Variants in PRLR observed in about 807,000 individuals in gnomAD.
The protein encoded by PRLR is prolactin receptor, also known as hPRL receptor.
A neutral mutation model predicts 40.2 loss-of-function variants in PRLR; 13 were observed. The ratio of observed to expected loss-of-function variants is 0.32; its 90% CI spans 0.21 to 0.51. The LOEUF is 0.51. PRLR is among the 20% of genes least tolerant of loss of function. PRLR has a pLI of 0.97. For missense variants in PRLR, 656 were observed against 747.3 expected, an observed-to-expected ratio of 0.88 and a Z score of 1.42; for synonymous variants, 269 against 278.7, an observed-to-expected ratio of 0.97 and a Z score of 0.35.
At chr5:35,220,959 C>A (rs1449178800) in intron 1 of PRLR, among the ~76,000 whole-genome samples, 1 of 152,182 alleles carries the variant, frequency 6.6e-6, no homozygotes, top group Non-Finnish European at 1.5e-5. Context: ...CAGAATCATT[C>A]TCAAAATCAC....
chr5:35,075,220 G>C (rs541869933), intron 5 of PRLR, among the ~76,000 whole-genome samples: 4 of 152,284 alleles, frequency 2.6e-5, no homozygotes, highest in Middle Eastern at 3.4e-3. Flanking sequence ...CATGGAGCGT[G>C]AGGCGAAGCA....
intron 1 of PRLR, among the ~76,000 whole-genome samples, chr5:35,212,882 T>C (rs1776204880): frequency 6.6e-6 from 1 of 152,202 alleles, no homozygotes; most frequent in Admixed American, 6.5e-5. Context: ...AGTATGAGAT[T>C]CATTAAAGCA....
At chr5:35,077,632 T>C (rs1770202235) in intron 5 of PRLR, among the ~76,000 whole-genome samples, 2 of 152,144 alleles carry the variant, frequency 1.3e-5, no homozygotes, top group South Asian at 4.1e-4. Flanking sequence ...ACTGTCAACA[T>C]TAGACAGATC....
chr5:35,227,107 C>G (rs566860095), intron 1 of PRLR, among the ~76,000 whole-genome samples: 2 of 152,344 alleles, frequency 1.3e-5, no homozygotes, highest in East Asian at 1.9e-4. Context: ...AATCTTGAGT[C>G]TAATGGCTGG....
At chr5:35,224,297 GA>G (rs551785390) in intron 1 of PRLR, among the ~76,000 whole-genome samples, 2 of 152,270 alleles carry the variant, frequency 1.3e-5, no homozygotes, top group African/African-American at 4.8e-5. Context: ...CACAGCTAGG[GA>G]GAAGGTGACT....
At chr5:35,078,804 C>A (rs527886917) in intron 5 of PRLR, among the ~76,000 whole-genome samples, 1 of 152,308 alleles carries the variant, frequency 6.6e-6, no homozygotes, top group Non-Finnish European at 1.5e-5. Flanking sequence ...ATGCAAGAAT[C>A]CTCAGTAAAA....
At chr5:35,120,540 G>A (rs1426193950) in intron 1 of PRLR, among the ~76,000 whole-genome samples, 1 of 152,150 alleles carries the variant, frequency 6.6e-6, no homozygotes, top group Admixed American at 6.6e-5. Flanking sequence ...CCCAACATGA[G>A]GATATACCAT....
chr5:35,137,319 CT>C (rs1554050919), intron 1 of PRLR, among the ~76,000 whole-genome samples: 2 of 151,866 alleles, frequency 1.3e-5, no homozygotes, highest in African/African-American at 4.8e-5. Context: ...CTTTTTAAGA[CT>C]TTTTTTTAAG....
Position 35,070,118 on chromosome 5 carries a change from G to C in PRLR, c.685+6C>G, listed in dbSNP as rs376090162. 3 of 1,596,186 alleles carry C rather than the reference G, an allele frequency of 1.9e-6. No homozygotes were observed. The South Asian group carries it at 3.5e-5, about 18-fold the overall frequency. On this transcript the variant is annotated splice_donor_region_variant and intron_variant, in intron 7 of 9. Coordinates refer to ENST00000618457, the MANE Select transcript of PRLR (RefSeq NM_000949.7). ...GACATAAGCAAAAAAGAGCCAAGAC[G>C]CTCACCACTAGGTATCTGAATGAAG...
chr5:35,150,429 C>G (rs563871927), intron 1 of PRLR, among the ~76,000 whole-genome samples: 1 of 152,344 alleles, frequency 6.6e-6, no homozygotes, highest in African/African-American at 2.4e-5. Flanking sequence ...CCTAGACTTA[C>G]GCATTCTTTG....
chr5:35,212,694 T>C (rs1776200766), intron 1 of PRLR, among the ~76,000 whole-genome samples: 2 of 152,340 alleles, frequency 1.3e-5, no homozygotes, highest in South Asian at 4.1e-4. Context: ...GTTTGGACAC[T>C]ACTGTTCCCA....
At position 35,204,379 on chromosome 5, in the gene PRLR, A is replaced by G. The variant is rs1579800102; in HGVS notation, c.-106+25889T>C. On this transcript the variant is annotated intron_variant, in intron 1 of 9. Coordinates refer to ENST00000618457, the MANE Select transcript of PRLR (RefSeq NM_000949.7). ...GTTTAGCTATGCCTTGCATCTTATG[A>G]TGAGGATGGGGATGGGCCGCTTTCC... Among the ~76,000 whole-genome samples the G allele has an allele frequency of 2.6e-5, 4 of 152,050 alleles. No homozygotes were observed. The South Asian group carries it at 8.3e-4, about 32-fold the overall frequency.
rs1769328381 is a variant in PRLR, at chr5:35,065,775, G to T, written c.1183C>A (p.Gln395Lys). 1 of 1,613,978 alleles carries T rather than the reference G, an allele frequency of 6.2e-7. No homozygotes were observed. Among genetic ancestry groups the T allele is most frequent in the Non-Finnish European group, 8.5e-7 (1 of 1,180,020 alleles). The change falls in exon 10 of 10, where the codon CAG (glutamine) becomes AAG (lysine). Residue 395 changes from glutamine to lysine, a missense_variant. By Grantham distance (53) the Gln-to-Lys change is moderately conservative. Transcript: ENST00000618457. ...ATTTTGCCTTCCATGCTTATGCACT[G>T]GGGGTCCCAGGTGTGGGTTGTTTCA... ...NPETTHTWDPQCISMEGKIPY... is the reference protein window; with the variant it reads ...NPETTHTWDPKCISMEGKIPY...
intron 1 of PRLR, among the ~76,000 whole-genome samples, chr5:35,162,420 A>G (rs1774699348): frequency 6.6e-6 from 1 of 152,208 alleles, no homozygotes; most frequent in Non-Finnish European, 1.5e-5. Flanking sequence ...TATTTTGTAT[A>G]CTTTTTATCC....
chr5:35,085,230 C>T (rs1395736150), intron 4 of PRLR, among the ~76,000 whole-genome samples: 1 of 152,144 alleles, frequency 6.6e-6, no homozygotes, highest in Non-Finnish European at 1.5e-5. Context: ...GGAACCTCAG[C>T]TCAAGATACA....
chr5:35,109,064 G>T (rs552346690), intron 2 of PRLR, among the ~76,000 whole-genome samples: 1 of 151,972 alleles, frequency 6.6e-6, no homozygotes, highest in Admixed American at 6.6e-5. Context: ...ATAATACCAC[G>T]CATCTATAAC....
chr5:35,052,644 T>C (rs1416838558), downstream of PRLR, among the ~76,000 whole-genome samples: 2 of 152,214 alleles, frequency 1.3e-5, no homozygotes, highest in Non-Finnish European at 2.9e-5. Context: ...ACTATAACTT[T>C]ACACCAGACT....
chr5:35,201,805 G>A (rs1406231852), intron 1 of PRLR, among the ~76,000 whole-genome samples: 4 of 151,894 alleles, frequency 2.6e-5, no homozygotes, highest in Admixed American at 2.0e-4. Context: ...CCCATAAATT[G>A]GTAAAGAAAA....
chr5:35,122,292 G>T (rs545169031), intron 1 of PRLR, among the ~76,000 whole-genome samples: 12 of 152,140 alleles, frequency 7.9e-5, no homozygotes, highest in African/African-American at 2.9e-4. Flanking sequence ...GTGCAGGTTT[G>T]TTACATAGGT....
Sources: allele counts gnomAD v4.1 joint callset (sites outside exome capture counted in the v4.1 genomes callset), GRCh38; gene constraint gnomAD v4.1.1; transcripts MANE v1.5; gene names NCBI Gene and HGNC (gene_info 2026-07-23, HGNC 2026-07-21).